Variants in WDR12 observed in about 807,000 individuals in gnomAD.
WDR12 encodes WD repeat domain 12.
In WDR12, 42 loss-of-function variants were observed where a neutral mutation model predicts 64.3. The ratio of observed to expected loss-of-function variants is 0.65; its 90% confidence interval spans 0.51 to 0.84. WDR12 has a LOEUF of 0.84. Ranked by LOEUF, WDR12 falls within the 40% of genes least tolerant of loss-of-function variation. The pLI, the probability that WDR12 is intolerant of heterozygous loss-of-function variation, is 0.00. For synonymous variants in WDR12, 158 were observed against 173.3 expected, an observed-to-expected ratio of 0.91 and a Z score of 0.70; for missense variants, 469 against 494.6, an observed-to-expected ratio of 0.95 and a Z score of 0.49.
chr2:202,882,856 C>A, intron 11 of WDR12, 73 bp from the exon 12 acceptor site: 1 of 1,493,322 alleles, frequency 6.7e-7, no homozygotes, highest in South Asian at 1.2e-5. Context: ...ATCACTTATA[C>A]TTATCTGAAA....
In WDR12 at chr2:202,876,839, G is replaced by C. The variant is rs1343106916; in HGVS notation, c.*4021C>G. On this transcript the variant is annotated 3_prime_UTR_variant, in exon 13 of 13. Coordinates refer to ENST00000261015, the MANE Select transcript of WDR12 (RefSeq NM_018256.4). The stretch of plus-strand genomic sequence containing the variant: ...GGTCCTAGTTAGGAGGATGAGGTGG[G>C]AGGATCCCTTGAGTCCGGGAGTTAG... 2 of 152,480 alleles carry C rather than the reference G, an allele frequency of 1.3e-5. No homozygotes were observed. Among genetic ancestry groups the C allele is most frequent in the Non-Finnish European group, 2.9e-5 (2 of 68,064 alleles). The allele number at this position is 152,480 out of a possible 1,614,324, so 9.4% of individuals were successfully genotyped here. A position where few individuals can be genotyped will look rare whatever the true frequency, so the allele number is the denominator to read the frequency against.
intron 2 of WDR12, among the ~76,000 whole-genome samples, chr2:202,907,664 A>C (rs1353069528): frequency 1.3e-5 from 2 of 152,248 alleles, no homozygotes; most frequent in East Asian, 3.8e-4. Context: ...AAACAGATTA[A>C]ACAGAAATTT....
Position 202,896,238 on chromosome 2 carries a change from A to C in WDR12, c.455-19T>G. On this transcript the variant is annotated intron_variant, in intron 5 of 12. Transcript: ENST00000261015. ...AAACTATCTGGAGAAAGGAGAACAC[A>C]AGAATAAGAAACAAATCAGTATACC... is the stretch of plus-strand genomic sequence containing the variant. The C allele has an allele frequency of 6.2e-7, 1 of 1,608,816 alleles. No individual in the cohort carries two copies. Among genetic ancestry groups the C allele is most frequent in the Non-Finnish European group, 8.5e-7 (1 of 1,178,422 alleles).
At chr2:202,901,210 T>G in intron 2 of WDR12, 91 bp from the exon 3 acceptor site, 26 of 785,712 alleles carry the variant, frequency 3.3e-5, no homozygotes, top group South Asian at 6.4e-5. Flanking sequence ...AACAGGTACC[T>G]ATTATCCCAG....
chr2:202,880,872 A>G lies in WDR12; in HGVS notation c.1260T>C (p.His420=), dbSNP rs1241939582. The change falls in exon 13 of 13, where the codon CAT becomes CAC. Residue 420 remains histidine, a synonymous_variant. Transcript: ENST00000261015. ...YSYRYSPTTS[H]VGA ...TTATTGTTCACTTTCATGCCCCAAC[A>G]TGGGAAGTGGTAGGTGAATATCTGT... The G allele has an allele frequency of 6.2e-7, 1 of 1,609,968 alleles. No individual in the cohort carries two copies. The highest frequency in any genetic ancestry group is 8.5e-7 in the Non-Finnish European group (1 of 1,178,030).
intron 11 of WDR12, 38 bp from the exon 12 acceptor site, chr2:202,882,821 C>G (rs948801944): frequency 6.3e-7 from 1 of 1,586,864 alleles, no homozygotes; most frequent in African/African-American, 1.3e-5. Flanking sequence ...TATGCATTCA[C>G]AGTGTTAAAA....
chr2:202,909,649 G>A (rs1228223821), intron 1 of WDR12, among the ~76,000 whole-genome samples: 2 of 151,948 alleles, frequency 1.3e-5, no homozygotes, highest in South Asian at 2.1e-4. Context: ...TGAGCAATAA[G>A]GCTATAGCTA....
chr2:202,888,307 G>A (rs1688087566), intron 8 of WDR12, among the ~76,000 whole-genome samples: 1 of 152,232 alleles, frequency 6.6e-6, no homozygotes, highest in Admixed American at 6.5e-5. Flanking sequence ...AGAGGTGGGA[G>A]GAAAGTTGAC....
At chr2:202,909,284 T>G (rs1470218510) in intron 1 of WDR12, among the ~76,000 whole-genome samples, 1 of 152,186 alleles carries the variant, frequency 6.6e-6, no homozygotes, top group African/African-American at 2.4e-5. Flanking sequence ...ATAAACAACC[T>G]AAATGCCCAC....
In WDR12 at chr2:202,879,030, CA is replaced by C. The variant is rs1434126897; in HGVS notation, c.*1829del. On this transcript the variant is annotated 3_prime_UTR_variant, in exon 13 of 13. Coordinates refer to ENST00000261015, the MANE Select transcript of WDR12 (RefSeq NM_018256.4). The stretch of plus-strand genomic sequence containing the variant: ...GTTACAGTGAAAACTGTATGCAATG[CA>C]ATTTTTTATTTTTTTTTGAGACAGA... 3 of 152,130 alleles carry C rather than the reference CA, an allele frequency of 2.0e-5. No homozygotes were observed. In the East Asian group the frequency reaches 5.8e-4, roughly 29 times the overall value. 9.4% of individuals were successfully genotyped at this position (152,130 alleles called of 1,614,324 possible). A position where few individuals can be genotyped will look rare whatever the true frequency, so the allele number is the denominator to read the frequency against.
chr2:202,904,748 C>T (rs1417756632), intron 2 of WDR12, among the ~76,000 whole-genome samples: 1 of 152,140 alleles, frequency 6.6e-6, no homozygotes, highest in African/African-American at 2.4e-5. Flanking sequence ...GGGAAACTCC[C>T]CAGGGCAGTG....
At chr2:202,887,659 C>T (rs1445203824) in intron 8 of WDR12, among the ~76,000 whole-genome samples, 11 of 151,712 alleles carry the variant, frequency 7.3e-5, no homozygotes, top group South Asian at 2.1e-4. Flanking sequence ...GAGGCTGAGG[C>T]GGGTGGATCA....
chr2:202,901,068 C>T lies in WDR12; in HGVS notation c.188G>A (p.Arg63Gln), dbSNP rs912102154. Reference protein sequence around the residue: ...FDFLIKGQFLRMPLDKHMEME... With the variant: ...FDFLIKGQFLQMPLDKHMEME... ...TTCCATGTGTTTGTCCAAGGGCATT[C>T]GCAGAAACTGGCCCTTAATAAGGAA... is the stretch of plus-strand genomic sequence containing the variant. Residue 63 changes from arginine to glutamine, a missense_variant, in exon 3 of 13, where the codon CGA (arginine) becomes CAA (glutamine). By Grantham distance (43) the Arg-to-Gln change is conservative. Transcript: ENST00000261015. The T allele has an allele frequency of 1.0e-5, 16 of 1,599,992 alleles. No individual in the cohort carries two copies. Among genetic ancestry groups the T allele is most frequent in the Admixed American group, 8.4e-5 (5 of 59,554 alleles).
Position 202,876,751 on chromosome 2 carries a change from C to CA in WDR12, c.*4108dup, listed in dbSNP as rs1687865276. ...AAGAGTTCATAACCAGCCTGGGCAACACAGCAAGACTGTCTCCACAAAAAA... is the reference window on the plus strand; with the variant it reads ...AAGAGTTCATAACCAGCCTGGGCAACAACAGCAAGACTGTCTCCACAAAAAA... On this transcript the variant is annotated 3_prime_UTR_variant, in exon 13 of 13. Coordinates refer to ENST00000261015, the MANE Select transcript of WDR12 (RefSeq NM_018256.4). The CA allele has an allele frequency of 6.6e-6, 1 of 152,144 alleles. No individual in the cohort carries two copies. The highest frequency in any genetic ancestry group is 1.5e-5 in the Non-Finnish European group (1 of 68,046). 9.4% of individuals were successfully genotyped at this position (152,144 alleles called of 1,614,324 possible).
In WDR12 at chr2:202,877,438, A is replaced by C. The variant is rs1687879484; in HGVS notation, c.*3422T>G. 6.6e-6 allele frequency: 1 copy of C among 152,198 alleles called. No homozygotes were observed. The highest frequency in any genetic ancestry group is 2.1e-4 in the South Asian group (1 of 4,838). The allele number at this position is 152,198 out of a possible 1,614,324, so 9.4% of individuals were successfully genotyped here. ...CCAGGTGGGCAGACAGCTTGAGCCC[A>C]GGAGTTCAAGACCAGCATGGGCTAC... On this transcript the variant is annotated 3_prime_UTR_variant, in exon 13 of 13. Coordinates refer to ENST00000261015, the MANE Select transcript of WDR12 (RefSeq NM_018256.4).
chr2:202,898,999 C>T (rs1268734229), intron 4 of WDR12, among the ~76,000 whole-genome samples: 1 of 131,170 alleles, frequency 7.6e-6, no homozygotes, highest in East Asian at 2.2e-4. Flanking sequence ...TTGAACAGAA[C>T]AGAAAAAGAG....
chr2:202,901,111 T>A lies in WDR12; in HGVS notation c.145A>T (p.Lys49Ter), dbSNP rs1688341581. The A allele has an allele frequency of 6.3e-7, 1 of 1,590,696 alleles. No individual in the cohort carries two copies. The highest frequency in any genetic ancestry group is 2.3e-5 in the East Asian group (1 of 44,438). ...KLLKDKNEFH[K>*]HVEFDFLIKG... ...ATAAGGAAATCAAACTCCACATGTT[T>A]GTGGAACTCTGAGGAAAATACATAA... Residue 49 changes from lysine (K) to a stop codon, truncating the protein, a stop_gained, in exon 3 of 13, where the codon AAA becomes TAA. Coordinates refer to ENST00000261015, the MANE Select transcript of WDR12 (RefSeq NM_018256.4). LOFTEE classifies it high-confidence loss of function.
In WDR12 at chr2:202,883,676, G is replaced by A; in HGVS notation, c.1054C>T (p.Pro352Ser). The A allele has an allele frequency of 6.2e-7, 1 of 1,614,092 alleles. No individual in the cohort carries two copies. Among genetic ancestry groups the A allele is most frequent in the Admixed American group, 1.7e-5 (1 of 60,010 alleles). Residue 352 changes from proline (P) to serine (S), a missense_variant, in exon 11 of 13, where the codon CCT becomes TCT. Pro to Ser is a moderately conservative substitution (Grantham distance 74). Transcript: ENST00000261015. ...GAAATCAGCTGCTGTTCATGGGTAG[G>A]AGACCATTTTACTGATGTCACCCAA... is the stretch of plus-strand genomic sequence containing the variant. Reference protein sequence around the residue: ...TGWVTSVKWSPTHEQQLISGS... With the variant: ...TGWVTSVKWSSTHEQQLISGS...
chr2:202,896,320 A>T (rs1688241764), intron 5 of WDR12, 101 bp from the exon 6 acceptor site: 3 of 1,284,392 alleles, frequency 2.3e-6, no homozygotes, highest in Non-Finnish European at 3.1e-6. Flanking sequence ...TTGTTATTGA[A>T]AAAGATGTTA....
Sources: gnomAD v4.1 joint callset for allele counts (sites outside exome capture counted in the v4.1 genomes callset) on GRCh38, gnomAD v4.1.1 for gene constraint, MANE v1.5 for transcripts, NCBI Gene and HGNC (gene_info 2026-07-23, HGNC 2026-07-21) for gene names.